PTPRD: variants seen among roughly 807,000 people sequenced by gnomAD.
PTPRD encodes protein tyrosine phosphatase receptor type D.
In PTPRD, 34 loss-of-function variants were observed where a neutral mutation model predicts 214.5. The observed-to-expected ratio is 0.16, with a 90% CI of 0.12 to 0.21. PTPRD has a LOEUF of 0.21. PTPRD is among the 10% of genes least tolerant of loss of function. The pLI, the probability that PTPRD is intolerant of heterozygous loss-of-function variation, is 1.00. For missense variants in PTPRD, 2,545 were observed against 2,398.7 expected (o/e 1.06, Z -1.27); for synonymous variants, 1,128 against 845.7 (o/e 1.33, Z -5.79).
intron 3 of PTPRD, among the ~76,000 whole-genome samples, chr9:10,298,402 G>C (rs916594018): frequency 7.2e-5 from 11 of 152,016 alleles, no homozygotes; most frequent in African/African-American, 2.7e-4. Context: ...TATGATCCTT[G>C]CCAAGCCATG....
At chr9:9,148,868 A>G (rs1209671403) in intron 10 of PTPRD, among the ~76,000 whole-genome samples, 1 of 152,210 alleles carries the variant, frequency 6.6e-6, no homozygotes, top group East Asian at 1.9e-4. Flanking sequence ...TAAAAACAAG[A>G]AAATGATATG....
intron 8 of PTPRD, among the ~76,000 whole-genome samples, chr9:9,549,949 C>T (rs1211022496): frequency 6.6e-6 from 1 of 152,004 alleles, no homozygotes; most frequent in Non-Finnish European, 1.5e-5. Context: ...ATTGGGCTTT[C>T]TGCCCAATAG....
rs1248009087 is a variant in PTPRD, at chr9:8,492,996, G to C, written c.2350-17C>G. The C allele has an allele frequency of 5.0e-6, 8 of 1,584,786 alleles. No homozygotes were observed. Among genetic ancestry groups the C allele is most frequent in the South Asian group, 1.1e-5 (1 of 90,180 alleles). Reference sequence around the variant, plus strand: ...GATCATGTCCTGAAATGACAAAATAGAATGTCACTGATTCAAAACATGCTA... The same window carrying C: ...GATCATGTCCTGAAATGACAAAATACAATGTCACTGATTCAAAACATGCTA... On this transcript the variant is annotated splice_polypyrimidine_tract_variant and intron_variant, in intron 26 of 45. Coordinates refer to ENST00000381196, the MANE Select transcript of PTPRD (RefSeq NM_002839.4).
chr9:8,443,698 G>C (rs2095624945), intron 34 of PTPRD, among the ~76,000 whole-genome samples: 1 of 152,104 alleles, frequency 6.6e-6, no homozygotes, highest in Non-Finnish European at 1.5e-5. Flanking sequence ...CCAGGGAGGA[G>C]GTATGAACAG....
At chr9:8,398,727 G>T (rs1399939043) in intron 36 of PTPRD, among the ~76,000 whole-genome samples, 2 of 152,068 alleles carry the variant, frequency 1.3e-5, no homozygotes, top group Non-Finnish European at 2.9e-5. Context: ...TCCCTCAGGG[G>T]ATGCAGCAAA....
intron 3 of PTPRD, among the ~76,000 whole-genome samples, chr9:10,153,279 A>C: frequency 6.6e-6 from 1 of 152,090 alleles, no homozygotes; most frequent in East Asian, 1.9e-4. Context: ...ATAAATATAT[A>C]CAATTTTTGT....
Position 9,186,073 on chromosome 9 carries a change from G to T in PTPRD, c.-202-2710C>A, listed in dbSNP as rs2099931265. Among the ~76,000 whole-genome samples, 4 of 151,938 alleles carry T rather than the reference G, an allele frequency of 2.6e-5. No homozygotes were observed. The South Asian group carries it at 8.3e-4, about 31-fold the overall frequency. ...GTTTTCTCCACTGTGATTAAAAATG[G>T]CAAATTATTAAGAAGTCCCATTTTA... On this transcript the variant is annotated intron_variant, in intron 9 of 45. Transcript: ENST00000381196.
intron 9 of PTPRD, among the ~76,000 whole-genome samples, chr9:9,341,184 C>T (rs2046652376): frequency 6.6e-6 from 1 of 151,866 alleles, no homozygotes; most frequent in Admixed American, 6.6e-5. Context: ...CCACTTAATG[C>T]AAAAATGGTG....
rs148421990 is a variant in PTPRD, at chr9:9,332,652, T to A, written c.-203+64797A>T. 9.3e-3 allele frequency among the ~76,000 whole-genome samples: 1,405 copies of A among 151,818 alleles called. 22 individuals carry two copies. Among genetic ancestry groups the A allele is most frequent in the African/African-American group, 0.033 (1,348 of 41,468 alleles). On this transcript the variant is annotated intron_variant, in intron 9 of 45. Coordinates refer to ENST00000381196, the MANE Select transcript of PTPRD (RefSeq NM_002839.4). ...TACGTTGTTCAACATTTTCTAGTGA[T>A]GCTAAGGATAGAAACAACCAGCTCT... is the stretch of plus-strand genomic sequence containing the variant.
Position 10,365,845 on chromosome 9 carries a change from C to T in PTPRD, c.-599-24828G>A, listed in dbSNP as rs563092462. Among the ~76,000 whole-genome samples, 7 of 152,108 alleles carry T rather than the reference C, an allele frequency of 4.6e-5. No individual in the cohort carries two copies. In the East Asian group the frequency reaches 5.8e-4, roughly 13 times the overall value. On this transcript the variant is annotated intron_variant, in intron 2 of 45. Transcript: ENST00000381196. ...CACATTGCTATGTCAATAATTTCTC[C>T]GATTTGGATGGAAAATATTTGTAGA...
intron 9 of PTPRD, among the ~76,000 whole-genome samples, chr9:9,329,865 A>T (rs1232131596): frequency 6.6e-6 from 1 of 152,196 alleles, no homozygotes; most frequent in Non-Finnish European, 1.5e-5. Flanking sequence ...GAACACAATC[A>T]TTCATGTTCT....
chr9:10,158,819 T>C (rs995533366), intron 3 of PTPRD, among the ~76,000 whole-genome samples: 2 of 152,116 alleles, frequency 1.3e-5, no homozygotes, highest in African/African-American at 4.8e-5. Flanking sequence ...TGGCAGGATA[T>C]TTGTATTTTC....
At chr9:9,967,387 GGTC>G (rs937515547) in intron 4 of PTPRD, among the ~76,000 whole-genome samples, 1 of 152,100 alleles carries the variant, frequency 6.6e-6, no homozygotes, top group Non-Finnish European at 1.5e-5. Context: ...AATAGAGAAG[GGTC>G]GTCACAGTAA....
At chr9:8,836,597 T>C (rs2097428509) in intron 11 of PTPRD, among the ~76,000 whole-genome samples, 1 of 112,382 alleles carries the variant, frequency 8.9e-6, no homozygotes, top group East Asian at 2.4e-4. Context: ...CTTTTTTTTT[T>C]TTTTTTTTTT....
At chr9:9,525,442 TA>T (rs1358856131) in intron 8 of PTPRD, among the ~76,000 whole-genome samples, 1 of 152,122 alleles carries the variant, frequency 6.6e-6, no homozygotes, top group Admixed American at 6.5e-5. Flanking sequence ...AAAAGTAAAT[TA>T]AAAAAATACA....
At chr9:9,146,529 C>CT (rs1043809625) in intron 10 of PTPRD, among the ~76,000 whole-genome samples, 2 of 150,822 alleles carry the variant, frequency 1.3e-5, no homozygotes, top group African/African-American at 4.9e-5. Flanking sequence ...TGTCGTTTTT[C>CT]TTTTTTTGAT....
intron 10 of PTPRD, among the ~76,000 whole-genome samples, chr9:9,022,653 T>A (rs2099573834): frequency 6.6e-6 from 1 of 152,160 alleles, no homozygotes; most frequent in African/African-American, 2.4e-5. Flanking sequence ...TCAGAACGTA[T>A]TCTTGTTAAG....
intron 39 of PTPRD, 135 bp from the exon 40 acceptor site, chr9:8,342,113 T>C: frequency 1.1e-6 from 1 of 912,160 alleles, no homozygotes; most frequent in Non-Finnish European, 1.6e-6. Context: ...GGGATGACTT[T>C]GTAATACTCT....
intron 8 of PTPRD, among the ~76,000 whole-genome samples, chr9:9,434,453 A>G (rs2084403428): frequency 2.6e-5 from 4 of 152,320 alleles, no homozygotes; most frequent in African/African-American, 4.8e-5. Flanking sequence ...AGTGATCTAC[A>G]GATTTTATGC....
Sources: gnomAD v4.1 joint callset for allele counts (sites outside exome capture counted in the v4.1 genomes callset) on GRCh38, gnomAD v4.1.1 for gene constraint, MANE v1.5 for transcripts, NCBI Gene and HGNC (gene_info 2026-07-23, HGNC 2026-07-21) for gene names.